The following VPS13C variants were observed in gnomAD, a reference collection of about 807,000 sequenced individuals.
The protein encoded by VPS13C is intermembrane lipid transfer protein VPS13C.
VPS13C carries 358 observed loss-of-function variants against 456.8 expected under a neutral mutation model. The ratio of observed to expected loss-of-function variants is 0.78; its 90% CI spans 0.72 to 0.86. VPS13C has a LOEUF of 0.86. Among genes scored for constraint, VPS13C ranks in the 40% least tolerant of loss-of-function variants. The pLI is 0.00. For synonymous variants in VPS13C, 1,578 were observed against 1,486.7 expected, an observed-to-expected ratio of 1.06 and a Z score of -1.41; for missense variants, 4,818 against 4,385.4, an observed-to-expected ratio of 1.10 and a Z score of -2.79.
intron 82 of VPS13C, among the ~76,000 whole-genome samples, chr15:61,862,157 TAAAGGAAAAGGAAAAGG>T (rs554547793): frequency 0.012 from 1,662 of 140,460 alleles, 40 homozygotes; most frequent in African/African-American, 0.042. Flanking sequence ...AGAGAAAAAG[TAAAGGAAAAGGAAAAGG>T]AAAGGAAAGG....
In VPS13C at chr15:61,864,948, T is replaced by C. The variant is rs148431822; in HGVS notation, c.10864-1420A>G. 2.1e-5 allele frequency: 21 copies of C among 980,230 alleles called. No individual in the cohort carries two copies. The East Asian group carries it at 1.5e-3, about 69-fold the overall frequency. 60.7% of individuals were successfully genotyped at this position (980,230 alleles called of 1,614,324 possible). A position where few individuals can be genotyped will look rare whatever the true frequency, so the allele number is the denominator to read the frequency against. On this transcript the variant is annotated intron_variant, in intron 81 of 84. Transcript: ENST00000644861. Reference sequence around the variant, plus strand: ...GAAATACTACCCACTTTCTATCTTGTATGTATTTTCGTTAGTTATTAGGCT... The same window carrying C: ...GAAATACTACCCACTTTCTATCTTGCATGTATTTTCGTTAGTTATTAGGCT...
In VPS13C at chr15:61,922,763, C is replaced by CTT; in HGVS notation, c.6610-3_6610-2dup. 6.4e-7 allele frequency: 1 copy of CTT among 1,558,552 alleles called. No individual in the cohort carries two copies. ...CAGTATTAAGAATTATGGGTGAAAT[C>CTT]TTTAAAAAAGAAAGCAGAAAAATAT... On this transcript the variant is annotated splice_acceptor_variant, in intron 53 of 84. Coordinates refer to ENST00000644861, the MANE Select transcript of VPS13C (RefSeq NM_020821.3). LOFTEE classifies it high-confidence loss of function.
intron 1 of VPS13C, among the ~76,000 whole-genome samples, chr15:62,057,108 C>T (rs2048828376): frequency 1.3e-5 from 2 of 152,082 alleles, no homozygotes; most frequent in Non-Finnish European, 2.9e-5. Context: ...CGTCGCCGCA[C>T]ACAGGGAGAG....
intron 2 of VPS13C, 59 bp downstream of exon 2, chr15:62,044,153 A>G: frequency 8.1e-7 from 1 of 1,238,556 alleles, no homozygotes; most frequent in Non-Finnish European, 1.1e-6. Flanking sequence ...TAGTAGGCAA[A>G]GGTTTCTAAG....
chr15:61,988,734 G>A (rs576061037), intron 18 of VPS13C, among the ~76,000 whole-genome samples: 1 of 152,280 alleles, frequency 6.6e-6, no homozygotes, highest in Non-Finnish European at 1.5e-5. Context: ...TACAAAGACA[G>A]ACAAATGGCC....
intron 58 of VPS13C, among the ~76,000 whole-genome samples, chr15:61,918,782 A>G (rs941139655): frequency 1.3e-5 from 2 of 152,226 alleles, no homozygotes; most frequent in African/African-American, 4.8e-5. Flanking sequence ...CATATGCTGA[A>G]ACCTGTAGTA....
At chr15:61,892,960 A>T (rs2042695809) in intron 66 of VPS13C, among the ~76,000 whole-genome samples, 1 of 152,230 alleles carries the variant, frequency 6.6e-6, no homozygotes, top group African/African-American at 2.4e-5. Flanking sequence ...AGAATAAAAA[A>T]GAACAAAGAA....
At chr15:62,034,877 A>C in intron 4 of VPS13C, 80 bp downstream of exon 4, 1 of 922,774 alleles carries the variant, frequency 1.1e-6, no homozygotes, top group Non-Finnish European at 1.6e-6. Context: ...TAATAAATAA[A>C]TGTATTAAAA....
intron 5 of VPS13C, among the ~76,000 whole-genome samples, chr15:62,029,666 T>C (rs1006716929): frequency 1.3e-5 from 2 of 152,096 alleles, no homozygotes; most frequent in Non-Finnish European, 2.9e-5. Context: ...AATTAAAATA[T>C]AAGGTCTTTG....
intron 49 of VPS13C, 98 bp downstream of exon 49, chr15:61,934,121 G>A (rs2044147991): frequency 1.5e-6 from 1 of 661,550 alleles, no homozygotes; most frequent in Non-Finnish European, 2.4e-6. Flanking sequence ...CATATTAAAT[G>A]TTTTAATGAA....
Position 61,868,756 on chromosome 15 carries a change from T to C in VPS13C, c.10766A>G (p.Glu3589Gly). The C allele has an allele frequency of 6.2e-7, 1 of 1,613,936 alleles. No individual in the cohort carries two copies. The highest frequency in any genetic ancestry group is 8.5e-7 in the Non-Finnish European group (1 of 1,179,984). ...AGGGGGACGGAGGCTAGATACTTCCTCAGTTGATTCTGCTGCCCTGAATAA... is the reference window on the plus strand; with the variant it reads ...AGGGGGACGGAGGCTAGATACTTCCCCAGTTGATTCTGCTGCCCTGAATAA... Reference protein sequence around the residue: ...QGIQRAAESTEEVSSLRPPRL... With the variant: ...QGIQRAAESTGEVSSLRPPRL... Residue 3589 changes from glutamate to glycine, a missense_variant, in exon 81 of 85, where the codon GAG becomes GGG. This residue lies in a region of VPS13C where 261 missense variants were observed against 234.1 expected (regional missense o/e 1.11). Transcript: ENST00000644861.
chr15:62,022,454 G>A (rs866769417), intron 8 of VPS13C, among the ~76,000 whole-genome samples: 2 of 151,724 alleles, frequency 1.3e-5, no homozygotes, highest in African/African-American at 2.4e-5. Flanking sequence ...TTCATGATGC[G>A]TTGAGTATAC....
rs1207234399 is a variant in VPS13C, at chr15:61,920,491, G to A, written c.7212+7C>T. 2 of 1,518,964 alleles carry A rather than the reference G, an allele frequency of 1.3e-6. No homozygotes were observed. Among genetic ancestry groups the A allele is most frequent in the Admixed American group, 2.3e-5 (1 of 43,712 alleles). The allele number at this position is 1,518,964 out of a possible 1,614,324, so 94.1% of individuals were successfully genotyped here. A position where few individuals can be genotyped will look rare whatever the true frequency, so the allele number is the denominator to read the frequency against. On this transcript the variant is annotated splice_region_variant and intron_variant, in intron 56 of 84. Transcript: ENST00000644861. ...CTTGAAATATTCTAAGCAAGATTCA[G>A]ACATACTTTTGCTAAATTGTTGAAA...
intron 82 of VPS13C, among the ~76,000 whole-genome samples, chr15:61,860,496 A>G (rs1418322863): frequency 1.3e-5 from 2 of 152,176 alleles, no homozygotes; most frequent in African/African-American, 4.8e-5. Flanking sequence ...ATTTTATTCT[A>G]ATAAAATAAT....
intron 18 of VPS13C, among the ~76,000 whole-genome samples, chr15:61,990,329 A>C (rs2046185355): frequency 6.6e-6 from 1 of 152,166 alleles, no homozygotes; most frequent in Non-Finnish European, 1.5e-5. Flanking sequence ...CCTTGATAAT[A>C]ATTGCACACC....
intron 73 of VPS13C, 72 bp downstream of exon 73, chr15:61,880,537 C>T (rs1365281754): frequency 3.1e-6 from 3 of 973,860 alleles, no homozygotes; most frequent in Non-Finnish European, 4.5e-6. Context: ...TAAAACCTAC[C>T]TTGGTCCACA....
chr15:62,023,365 T>C (rs1344144161), intron 8 of VPS13C, 46 bp downstream of exon 8: 5 of 1,159,726 alleles, frequency 4.3e-6, no homozygotes, highest in Non-Finnish European at 5.9e-6. Context: ...AAGAATATTA[T>C]AAAATACATA....
intron 16 of VPS13C, among the ~76,000 whole-genome samples, chr15:61,998,598 A>C (rs1481916306): frequency 6.6e-6 from 1 of 152,192 alleles, no homozygotes; most frequent in Admixed American, 6.5e-5. Context: ...GAGGGGTCAA[A>C]CGGCCCAAAA....
chr15:61,957,984 A>AT (rs2045065200), intron 37 of VPS13C, among the ~76,000 whole-genome samples: 1 of 152,052 alleles, frequency 6.6e-6, no homozygotes, highest in African/African-American at 2.4e-5. Flanking sequence ...GCATGTACAC[A>AT]TACAGGATGC....
Sources: gnomAD v4.1 joint callset for allele counts (sites outside exome capture counted in the v4.1 genomes callset) on GRCh38, gnomAD v4.1.1 for gene constraint, gnomAD v4.1.1 regional missense constraint, MANE v1.5 for transcripts, NCBI Gene and HGNC (gene_info 2026-07-23, HGNC 2026-07-21) for gene names.